Variants in TCF7L1 observed in about 807,000 individuals in gnomAD.
TCF7L1 encodes the protein transcription factor 7 like 1.
Under a neutral mutation model 63.7 loss-of-function variants are expected in TCF7L1, and 18 were observed. The ratio of observed to expected loss-of-function variants is 0.28; its 90% confidence interval spans 0.20 to 0.42. The LOEUF is 0.42. TCF7L1 is among the 10% of genes least tolerant of loss of function. TCF7L1 has a pLI of 1.00. For missense variants in TCF7L1, 654 were observed against 779.3 expected (o/e 0.84, Z 1.91); for synonymous variants, 355 against 340.9 (o/e 1.04, Z -0.46).
At chr2:85,288,102 T>A (rs1351456452) in intron 4 of TCF7L1, among the ~76,000 whole-genome samples, 2 of 152,120 alleles carry the variant, frequency 1.3e-5, no homozygotes, top group Non-Finnish European at 2.9e-5. Context: ...TCTACTATTA[T>A]TAAATGAGAG....
At chr2:85,237,795 C>T (rs143095223) in intron 3 of TCF7L1, among the ~76,000 whole-genome samples, 1 of 148,920 alleles carries the variant, frequency 6.7e-6, no homozygotes, top group Non-Finnish European at 1.5e-5. Context: ...TGGTGGGGGG[C>T]TGCCAAATCA....
At chr2:85,138,904 C>A (rs1677656718) in intron 3 of TCF7L1, among the ~76,000 whole-genome samples, 2 of 152,018 alleles carry the variant, frequency 1.3e-5, no homozygotes, top group African/African-American at 4.8e-5. Context: ...GCTGGAAAAT[C>A]TTTTAAATCT....
At chr2:85,295,775 CTTT>C (rs56373561) in intron 4 of TCF7L1, among the ~76,000 whole-genome samples, 1 of 100,882 alleles carries the variant, frequency 9.9e-6, no homozygotes, top group East Asian at 3.0e-4. Context: ...GTAACATTTA[CTTT>C]TTTTTTTTTT....
chr2:85,280,309 T>TA (rs780548893), intron 3 of TCF7L1, among the ~76,000 whole-genome samples: 22 of 151,990 alleles, frequency 1.4e-4, no homozygotes, highest in South Asian at 1.2e-3. Flanking sequence ...CCACCCCCAA[T>TA]AAAAAAAGTA....
At chr2:85,298,335 A>G (rs910097569) in intron 4 of TCF7L1, among the ~76,000 whole-genome samples, 15 of 151,884 alleles carry the variant, frequency 9.9e-5, no homozygotes, top group African/African-American at 3.4e-4. Context: ...TACTAAAAAT[A>G]CAAAAATTAG....
chr2:85,182,161 A>G (rs1456447665), intron 3 of TCF7L1, among the ~76,000 whole-genome samples: 2 of 152,192 alleles, frequency 1.3e-5, no homozygotes, highest in Non-Finnish European at 2.9e-5. Flanking sequence ...CGAGGCCCTC[A>G]AAACTGAGCT....
chr2:85,187,154 C>T (rs1326567350), intron 3 of TCF7L1: 1 of 152,226 alleles, frequency 6.6e-6, no homozygotes, highest in South Asian at 2.1e-4. Flanking sequence ...CATTCATTCT[C>T]CAAGTGCCCT....
At chr2:85,198,396 G>A (rs182127474) in intron 3 of TCF7L1, among the ~76,000 whole-genome samples, 1 of 152,318 alleles carries the variant, frequency 6.6e-6, no homozygotes. Flanking sequence ...GGGGTGCAGA[G>A]CCGGAGCTCA....
chr2:85,309,425 C>T lies in TCF7L1; in HGVS notation c.1730C>T (p.Ala577Val), dbSNP rs1682222340. 6.4e-7 allele frequency: 1 copy of T among 1,557,498 alleles called. No individual in the cohort carries two copies. The highest frequency in any genetic ancestry group is 1.9e-5 in the Admixed American group (1 of 52,624). ...HAHQALPVLQ[A>V]QPLSLVTKSA... ...CACCAGGCCCTCCCGGTGCTACAGG[C>T]CCAGCCTCTTTCCCTGGTCACCAAG... Residue 577 changes from alanine to valine, a missense_variant, in exon 12 of 12, where the codon GCC (alanine) becomes GTC (valine). This residue lies in a region of TCF7L1 where 184 missense variants were observed against 204.0 expected (regional missense o/e 0.90). Coordinates refer to ENST00000282111, the MANE Select transcript of TCF7L1 (RefSeq NM_031283.3).
At chr2:85,180,454 C>T (rs1217734507) in intron 3 of TCF7L1, among the ~76,000 whole-genome samples, 3 of 152,096 alleles carry the variant, frequency 2.0e-5, no homozygotes, top group Non-Finnish European at 1.5e-5. Flanking sequence ...ATCGCAGCCT[C>T]ATGACGGCTA....
chr2:85,248,970 T>G (rs1680531741), intron 3 of TCF7L1, among the ~76,000 whole-genome samples: 1 of 151,742 alleles, frequency 6.6e-6, no homozygotes, highest in African/African-American at 2.4e-5. Flanking sequence ...AAATACTTGT[T>G]GACTGACTTG....
At chr2:85,182,895 GAGGAA>G (rs1678836082) in intron 3 of TCF7L1, among the ~76,000 whole-genome samples, 1 of 152,160 alleles carries the variant, frequency 6.6e-6, no homozygotes, top group South Asian at 2.1e-4. Flanking sequence ...CCCACCTCCA[GAGGAA>G]AGGTCCTGAG....
intron 3 of TCF7L1, among the ~76,000 whole-genome samples, chr2:85,210,396 A>G (rs1359417263): frequency 6.6e-6 from 1 of 152,226 alleles, no homozygotes; most frequent in Non-Finnish European, 1.5e-5. Flanking sequence ...GGTGCTAGGT[A>G]GACAAGTGTG....
chr2:85,241,432 TTTTTG>T lies in TCF7L1; in HGVS notation c.442-42058_442-42054del, dbSNP rs1203171095. Among the ~76,000 whole-genome samples, 154 of 111,628 alleles carry T rather than the reference TTTTTG, an allele frequency of 1.4e-3. 5 individuals are homozygous for T. Among genetic ancestry groups the T allele is most frequent in the African/African-American group, 7.3e-3 (145 of 19,776 alleles). 73.2% of individuals were successfully genotyped at this position (111,628 alleles called of 152,430 possible). On this transcript the variant is annotated intron_variant, in intron 3 of 11. Coordinates refer to ENST00000282111, the MANE Select transcript of TCF7L1 (RefSeq NM_031283.3). ...GATCCAGAGGACTGGATGCACTTTG[TTTTTG>T]TTTTTTTTTTTTTTTTTTTTTTTTT...
chr2:85,214,291 T>C (rs1679642819), intron 3 of TCF7L1, among the ~76,000 whole-genome samples: 1 of 152,150 alleles, frequency 6.6e-6, no homozygotes, highest in Admixed American at 6.5e-5. Context: ...CGAAGACAAA[T>C]GGCCTGGGGC....
At chr2:85,294,604 A>G (rs956062653) in intron 4 of TCF7L1, among the ~76,000 whole-genome samples, 1 of 152,116 alleles carries the variant, frequency 6.6e-6, no homozygotes, top group African/African-American at 2.4e-5. Flanking sequence ...TTTCATGTCA[A>G]ATTATTGATT....
chr2:85,153,340 A>ATGTTTTTTTTTTTTTTTTTTTT lies in TCF7L1; in HGVS notation c.441+18891_441+18892insGTTTTTTTTTTTTTTTTTTTTT, dbSNP rs750002994. Among the ~76,000 whole-genome samples the ATGTTTTTTTTTTTTTTTTTTTT allele has an allele frequency of 4.7e-4, 48 of 102,264 alleles. 3 individuals are homozygous for ATGTTTTTTTTTTTTTTTTTTTT. Among genetic ancestry groups the ATGTTTTTTTTTTTTTTTTTTTT allele is most frequent in the Non-Finnish European group, 7.2e-4 (40 of 55,220 alleles). 67.1% of individuals were successfully genotyped at this position (102,264 alleles called of 152,430 possible). ...TTCATGATCTTGCTAGCCTTTATAA[A>ATGTTTTTTTTTTTTTTTTTTTT]TTTTTTTTTTTTTTTTTTTGAGATG... On this transcript the variant is annotated intron_variant, in intron 3 of 11. Coordinates refer to ENST00000282111, the MANE Select transcript of TCF7L1 (RefSeq NM_031283.3).
chr2:85,260,569 G>A (rs1260514591), intron 3 of TCF7L1, among the ~76,000 whole-genome samples: 2 of 151,790 alleles, frequency 1.3e-5, no homozygotes, highest in Non-Finnish European at 2.9e-5. Context: ...CTTGAGCCCT[G>A]GGAGGTCAAG....
At chr2:85,278,397 A>G (rs1282296713) in intron 3 of TCF7L1, among the ~76,000 whole-genome samples, 2 of 152,256 alleles carry the variant, frequency 1.3e-5, no homozygotes, top group Non-Finnish European at 2.9e-5. Context: ...TTACTTAGGA[A>G]TGTAAAAGTC....
Sources: allele counts gnomAD v4.1 joint callset (sites outside exome capture counted in the v4.1 genomes callset), GRCh38; gene constraint gnomAD v4.1.1; regional missense constraint gnomAD v4.1.1; transcripts MANE v1.5; gene names NCBI Gene and HGNC (gene_info 2026-07-23, HGNC 2026-07-21).